The following FAM234A variants were observed in gnomAD, a reference collection of about 807,000 sequenced individuals.
FAM234A encodes protein FAM234A.
FAM234A carries 42 observed loss-of-function variants against 49.1 expected under a neutral mutation model. The observed-to-expected ratio is 0.86, with a 90% CI of 0.67 to 1.11. The LOEUF (loss-of-function observed/expected upper bound fraction) is 1.11. Among genes scored for constraint, FAM234A ranks in the 50% least tolerant of loss-of-function variants. The pLI is 0.00. For synonymous variants in FAM234A, 369 were observed against 316.2 expected (o/e 1.17, Z -1.77); for missense variants, 815 against 745.2 (o/e 1.09, Z -1.09).
chr16:239,013 C>T (rs1393412310), intron 1 of FAM234A, among the ~76,000 whole-genome samples: 1 of 146,688 alleles, frequency 6.8e-6, no homozygotes, highest in Non-Finnish European at 1.5e-5. Context: ...ACCCAGGAGG[C>T]GGAGGTTGCG....
At chr16:238,787 GA>G (rs1384872718) in intron 1 of FAM234A, among the ~76,000 whole-genome samples, 65 of 76,230 alleles carry the variant, frequency 8.5e-4, no homozygotes, top group South Asian at 5.5e-3. Context: ...AAAAAAAAAA[GA>G]AAAAAAAAAT....
In FAM234A at chr16:262,610, G is replaced by T. The variant is rs906926833; in HGVS notation, c.971+57G>T. The T allele has an allele frequency of 1.1e-5, 16 of 1,484,850 alleles. No individual in the cohort carries two copies. In the Admixed American group the frequency reaches 3.4e-4, roughly 32 times the overall value. The allele number at this position is 1,484,850 out of a possible 1,614,324, so 92.0% of individuals were successfully genotyped here. The stretch of plus-strand genomic sequence containing the variant: ...GAGCGCCCACCCCATGGCTCTGCTC[G>T]CCTGCCTCAGCGTTCGGACAATCTG... On this transcript the variant is annotated intron_variant, in intron 8 of 12. Transcript: ENST00000399932.
chr16:244,540 C>G (rs1193265609), intron 1 of FAM234A, among the ~76,000 whole-genome samples: 1 of 152,124 alleles, frequency 6.6e-6, no homozygotes, highest in African/African-American at 2.4e-5. Context: ...CCTCTGACCC[C>G]ACTCCCCCTT....
At chr16:253,076 G>A (rs778070863) in intron 2 of FAM234A, among the ~76,000 whole-genome samples, 7 of 152,182 alleles carry the variant, frequency 4.6e-5, no homozygotes, top group African/African-American at 1.7e-4. Flanking sequence ...TTTTTTTCTC[G>A]TTTTATACAG....
Position 265,140 on chromosome 16 carries a change from C to T in FAM234A, c.*118C>T, listed in dbSNP as rs1040946451. The T allele has an allele frequency of 1.9e-5, 28 of 1,450,212 alleles. No homozygotes were observed. The Admixed American group carries it at 2.4e-4, about 12-fold the overall frequency. 89.8% of individuals were successfully genotyped at this position (1,450,212 alleles called of 1,614,324 possible). A position where few individuals can be genotyped will look rare whatever the true frequency, so the allele number is the denominator to read the frequency against. On this transcript the variant is annotated 3_prime_UTR_variant, in exon 13 of 13. Transcript: ENST00000399932. ...CCCCACTCCTGACCCTGGTGATGGT[C>T]GCCACTGGGCAGCAGCAGCCTTACC...
intron 1 of FAM234A, among the ~76,000 whole-genome samples, chr16:242,235 G>A (rs1355459694): frequency 6.6e-6 from 1 of 152,052 alleles, no homozygotes; most frequent in Non-Finnish European, 1.5e-5. Flanking sequence ...TTTTTTTTGA[G>A]ACAGAGTCTT....
At chr16:260,621 G>T (rs1297922558) in intron 5 of FAM234A, 2 of 473,384 alleles carry the variant, frequency 4.2e-6, no homozygotes, top group African/African-American at 2.0e-5. Flanking sequence ...CCTCGTGGAA[G>T]GACGAGGGAA....
chr16:268,901 C>T (rs1026190330), downstream of FAM234A: 34 of 1,550,514 alleles, frequency 2.2e-5, no homozygotes, highest in Non-Finnish European at 2.6e-5. Context: ...TCCGGGTATT[C>T]GCTGGCTGAT....
In FAM234A at chr16:266,053, C is replaced by G; in HGVS notation, c.*1031C>G. ...CCAAAGCAGCCTGATGACCCACCCA[C>G]CAAGGAAGAAAGCAGAATAAACATT... On this transcript the variant is annotated 3_prime_UTR_variant, in exon 13 of 13. Transcript: ENST00000399932. The G allele has an allele frequency of 1.0e-6, 1 of 986,048 alleles. No individual in the cohort carries two copies. Among genetic ancestry groups the G allele is most frequent in the Non-Finnish European group, 1.2e-6 (1 of 830,100 alleles). The allele number at this position is 986,048 out of a possible 1,614,324, so 61.1% of individuals were successfully genotyped here.
rs2051139337 is a variant in FAM234A, at chr16:254,307, A to G, written c.-33-74A>G. The G allele has an allele frequency of 1.0e-5, 13 of 1,295,704 alleles. No homozygotes were observed. In the South Asian group the frequency reaches 1.7e-4, roughly 17 times the overall value. The allele number at this position is 1,295,704 out of a possible 1,614,324, so 80.3% of individuals were successfully genotyped here. A position where few individuals can be genotyped will look rare whatever the true frequency, so the allele number is the denominator to read the frequency against. On this transcript the variant is annotated intron_variant, in intron 2 of 12. Transcript: ENST00000399932. Reference sequence around the variant, plus strand: ...AGCCAGTCCCCAAGAAGCCGACGCCAGCAGACCCCTCTGTGCTGCAGCTTT... The same window carrying G: ...AGCCAGTCCCCAAGAAGCCGACGCCGGCAGACCCCTCTGTGCTGCAGCTTT...
intron 1 of FAM234A, among the ~76,000 whole-genome samples, chr16:243,183 TG>T (rs1170749115): frequency 6.6e-6 from 1 of 151,980 alleles, no homozygotes; most frequent in East Asian, 1.9e-4. Flanking sequence ...CTCCCCATGT[TG>T]CCCAGACTGG....
chr16:269,555 T>A (rs1567233913), downstream of FAM234A: 2 of 1,613,418 alleles, frequency 1.2e-6, no homozygotes, highest in Non-Finnish European at 1.7e-6. Flanking sequence ...GCCTTGTACA[T>A]GTCAGACTTC....
chr16:267,347 G>T (rs2051719095), downstream of FAM234A, among the ~76,000 whole-genome samples: 1 of 152,062 alleles, frequency 6.6e-6, no homozygotes. Flanking sequence ...CAAGTCTGCT[G>T]CCTGGGTCTG....
intron 5 of FAM234A, chr16:260,664 G>A (rs1230603395): frequency 6.4e-6 from 3 of 472,136 alleles, no homozygotes; most frequent in South Asian, 1.5e-5. Context: ...ATGTGTGTGT[G>A]TGGGCTCCTT....
chr16:250,712 C>T (rs2050969434), intron 2 of FAM234A, among the ~76,000 whole-genome samples: 1 of 152,268 alleles, frequency 6.6e-6, no homozygotes, highest in South Asian at 2.1e-4. Context: ...CCATAGCAGT[C>T]ATTCCCGACT....
intron 1 of FAM234A, among the ~76,000 whole-genome samples, chr16:236,888 C>G (rs370183546): frequency 1.2e-4 from 6 of 50,198 alleles, no homozygotes; most frequent in South Asian, 5.5e-4. Context: ...GCCTGGGCCA[C>G]AGCGAGACTG....
intron 1 of FAM234A, among the ~76,000 whole-genome samples, chr16:241,639 C>T (rs1393300311): frequency 3.3e-5 from 5 of 151,438 alleles, no homozygotes; most frequent in African/African-American, 9.7e-5. Context: ...AATTAGAGGC[C>T]GGGCGCGGTG....
At chr16:255,224 A>G (rs1382458487) in intron 3 of FAM234A, among the ~76,000 whole-genome samples, 1 of 152,058 alleles carries the variant, frequency 6.6e-6, no homozygotes, top group Middle Eastern at 3.2e-3. Flanking sequence ...TCCTGATTTT[A>G]AGTCATCCTC....
chr16:243,792 G>T (rs555317412), intron 1 of FAM234A, among the ~76,000 whole-genome samples: 4 of 152,148 alleles, frequency 2.6e-5, no homozygotes, highest in Admixed American at 1.3e-4. Context: ...GTGAAAGCAT[G>T]TGCAGAGGCT....
Sources: gnomAD v4.1 joint callset for allele counts (sites outside exome capture counted in the v4.1 genomes callset) on GRCh38, gnomAD v4.1.1 for gene constraint, MANE v1.5 for transcripts, NCBI Gene and HGNC (gene_info 2026-07-23, HGNC 2026-07-21) for gene names.